UNC80: variants seen among roughly 807,000 people sequenced by gnomAD.
UNC80 encodes protein unc-80 homolog.
Under a neutral mutation model 384.6 loss-of-function variants are expected in UNC80, and 164 were observed. That is an observed-to-expected ratio of 0.43 (90% CI 0.38 to 0.49). The LOEUF is 0.49. UNC80 is among the 20% of genes least tolerant of loss of function. The pLI is 0.00. For missense variants in UNC80, 3,330 were observed against 4,143.0 expected (o/e 0.80, Z 5.39); for synonymous variants, 1,486 against 1,527.8 (o/e 0.97, Z 0.64).
chr2:209,831,366 G>A, intron 15 of UNC80, 77 bp from the exon 16 acceptor site: 1 of 1,412,502 alleles, frequency 7.1e-7, no homozygotes, highest in Non-Finnish European at 9.4e-7. Flanking sequence ...ATTCCTGGGT[G>A]CCAAGTACTG....
rs2539862 is a variant in UNC80, at chr2:209,995,832, G to C, written c.*237G>C. The C allele has an allele frequency of 0.4, 185,274 of 467,402 alleles. 39,217 individuals are homozygous for C. The highest frequency in any genetic ancestry group is 0.56 in the Middle Eastern group (936 of 1,686). The allele number at this position is 467,402 out of a possible 1,614,324, so 29.0% of individuals were successfully genotyped here. On this transcript the variant is annotated 3_prime_UTR_variant, in exon 65 of 65. Transcript: ENST00000673920. ...AATCACAAAACCAGGGAGGAATAAG[G>C]GGAAAGAGCCATTTCACTGCACATT... is the stretch of plus-strand genomic sequence containing the variant.
chr2:209,842,313 C>G (rs1229430751), intron 20 of UNC80, 37 bp from the exon 21 acceptor site: 7 of 1,445,268 alleles, frequency 4.8e-6, no homozygotes. Context: ...ACCTTTGAAT[C>G]TTATCTCTCT....
chr2:209,877,811 G>A, intron 23 of UNC80, 143 bp from the exon 24 acceptor site: 13 of 887,700 alleles, frequency 1.5e-5, no homozygotes, highest in Non-Finnish European at 2.0e-5. Context: ...CAAATATGGT[G>A]GAAACAACAC....
At chr2:209,780,161 C>A (rs933846739) in intron 4 of UNC80, among the ~76,000 whole-genome samples, 11 of 152,056 alleles carry the variant, frequency 7.2e-5, no homozygotes, top group African/African-American at 2.7e-4. Flanking sequence ...GCAAGATCTC[C>A]CTTCAGGAGT....
At chr2:209,982,141 A>G in intron 59 of UNC80, 38 bp from the exon 60 acceptor site, 1 of 1,540,048 alleles carries the variant, frequency 6.5e-7, no homozygotes, top group South Asian at 1.2e-5. Flanking sequence ...GATCAGTGTC[A>G]TAGTTTTTGT....
chr2:209,877,569 C>A (rs1235512591), intron 23 of UNC80, among the ~76,000 whole-genome samples: 2 of 152,176 alleles, frequency 1.3e-5, no homozygotes, highest in East Asian at 3.9e-4. Context: ...TAATCAGAAG[C>A]ACTCTGAGGA....
chr2:209,777,202 C>T, intron 3 of UNC80, 56 bp from the exon 4 acceptor site: 1 of 1,508,702 alleles, frequency 6.6e-7, no homozygotes, highest in Non-Finnish European at 8.9e-7. Flanking sequence ...TTGTTGACAT[C>T]TATTGCCCTG....
intron 7 of UNC80, among the ~76,000 whole-genome samples, chr2:209,797,749 C>T (rs193237493): frequency 1.1e-3 from 160 of 152,242 alleles, no homozygotes; most frequent in African/African-American, 1.7e-3. Context: ...TCTTCCACAA[C>T]GGTTGAACTA....
intron 22 of UNC80, among the ~76,000 whole-genome samples, chr2:209,862,766 T>C (rs1481813339): frequency 1.3e-5 from 2 of 151,426 alleles, no homozygotes; most frequent in African/African-American, 4.9e-5. Flanking sequence ...AGGACACTGA[T>C]GGGTTTTGAC....
chr2:209,934,036 C>T, intron 39 of UNC80, 31 bp downstream of exon 39: 1 of 1,491,756 alleles, frequency 6.7e-7, no homozygotes. Context: ...AGTAACATAA[C>T]TTTAAAAAAA....
At chr2:209,962,947 A>G (rs2092640063) in intron 51 of UNC80, among the ~76,000 whole-genome samples, 1 of 152,262 alleles carries the variant, frequency 6.6e-6, no homozygotes, top group Non-Finnish European at 1.5e-5. Context: ...TGAAAAGTTG[A>G]TTTTTAAAAA....
intron 59 of UNC80, among the ~76,000 whole-genome samples, chr2:209,980,760 G>A (rs1051473364): frequency 2.6e-5 from 4 of 152,138 alleles, no homozygotes; most frequent in African/African-American, 9.7e-5. Flanking sequence ...TTACAATAAA[G>A]AACACCTAAC....
At chr2:209,960,831 T>C (rs2092565758) in intron 51 of UNC80, 1 of 152,234 alleles carries the variant, frequency 6.6e-6, no homozygotes, top group African/African-American at 2.4e-5. Flanking sequence ...GAAGTTCAGC[T>C]CCTAGATGGG....
chr2:209,987,388 G>T (rs759157292), intron 61 of UNC80, among the ~76,000 whole-genome samples: 2 of 152,126 alleles, frequency 1.3e-5, no homozygotes, highest in Non-Finnish European at 2.9e-5. Flanking sequence ...TTGCAGAAAA[G>T]ATTCTTTGTA....
At chr2:209,857,797 C>A (rs911112716) in intron 22 of UNC80, among the ~76,000 whole-genome samples, 12 of 152,110 alleles carry the variant, frequency 7.9e-5, no homozygotes, top group Admixed American at 5.2e-4. Context: ...TTAACTATTT[C>A]CTTTTTGACT....
At chr2:209,840,785 A>G (rs2081678968) in intron 20 of UNC80, 137 bp downstream of exon 20, 2 of 681,460 alleles carry the variant, frequency 2.9e-6, no homozygotes, top group Non-Finnish European at 4.9e-6. Flanking sequence ...AACTTTGGAA[A>G]CTTAGATAAG....
chr2:209,774,635 G>A (rs941638337), intron 2 of UNC80, among the ~76,000 whole-genome samples: 3 of 152,098 alleles, frequency 2.0e-5, no homozygotes, highest in African/African-American at 7.2e-5. Flanking sequence ...TCATTAGAGT[G>A]TATAAATTCT....
intron 22 of UNC80, among the ~76,000 whole-genome samples, chr2:209,853,934 TAGA>T (rs147158592): frequency 0.047 from 7,213 of 152,172 alleles, 306 homozygotes; most frequent in East Asian, 0.22. Flanking sequence ...TAGACAGTTT[TAGA>T]AGGAGTGCAT....
At chr2:209,785,543 A>G (rs2077377736) in intron 4 of UNC80, among the ~76,000 whole-genome samples, 1 of 152,150 alleles carries the variant, frequency 6.6e-6, no homozygotes, top group Non-Finnish European at 1.5e-5. Context: ...AAAGGTTGTT[A>G]AGAAGACAAC....
Sources: allele counts gnomAD v4.1 joint callset (sites outside exome capture counted in the v4.1 genomes callset), GRCh38; gene constraint gnomAD v4.1.1; transcripts MANE v1.5; gene names NCBI Gene and HGNC (gene_info 2026-07-23, HGNC 2026-07-21).